The following SHANK1 variants were observed in gnomAD, a reference collection of about 807,000 sequenced individuals.
SHANK1 encodes the protein SH3 and multiple ankyrin repeat domains 1.
Under a neutral mutation model 165.6 loss-of-function variants are expected in SHANK1, and 35 were observed. That is an observed-to-expected ratio of 0.21 (90% CI 0.16 to 0.28). The LOEUF (loss-of-function observed/expected upper bound fraction) is 0.28. Among genes scored for constraint, SHANK1 ranks in the 10% least tolerant of loss-of-function variants. The pLI is 1.00. For synonymous variants in SHANK1, 1,428 were observed against 1,384.8 expected (o/e 1.03, Z -0.69); for missense variants, 2,681 against 3,036.4 (o/e 0.88, Z 2.75).
intron 23 of SHANK1, among the ~76,000 whole-genome samples, chr19:50,663,736 A>T (rs1985361991): frequency 1.4e-5 from 2 of 142,504 alleles, no homozygotes; most frequent in African/African-American, 5.3e-5. Context: ...TGCTGCTACA[A>T]GCAGTGGAAA....
chr19:50,662,598 T>C lies in SHANK1; in HGVS notation c.5853A>G (p.Pro1951=). 1 of 1,561,416 alleles carries C rather than the reference T, an allele frequency of 6.4e-7. No individual in the cohort carries two copies. ...GGGAGACCCCTGTTCCGGTGGGGAGTGGCGGCAGAGGTGGTTTGGGCCAGT... is the reference window on the plus strand; with the variant it reads ...GGGAGACCCCTGTTCCGGTGGGGAGCGGCGGCAGAGGTGGTTTGGGCCAGT... ...FQNWPKPPLP[P]LPTGTGVSPT... is the part of the protein sequence containing the mutation. Residue 1951 remains proline (P), a synonymous_variant, in exon 24 of 24, where the codon CCA becomes CCG. Transcript: ENST00000293441. The surrounding 1 kb of genome is among the most constrained non-coding windows in gnomAD (Gnocchi z 7.7).
intron 8 of SHANK1, among the ~76,000 whole-genome samples, chr19:50,709,080 G>T (rs2088977771): frequency 6.6e-6 from 1 of 152,228 alleles, no homozygotes; most frequent in Admixed American, 6.5e-5. Flanking sequence ...GGTTTGTTAA[G>T]CCCATGGCAA....
chr19:50,662,901 A>G lies in SHANK1; in HGVS notation c.5769-219T>C, dbSNP rs1442287948. On this transcript the variant is annotated intron_variant, in intron 23 of 23. Transcript: ENST00000293441. The surrounding 1 kb of genome is among the most constrained non-coding windows in gnomAD (Gnocchi z 7.7). The stretch of plus-strand genomic sequence containing the variant: ...GGGAGAGAAAGATGAGAGGACAGGG[A>G]GAGGGCGACAGTTAAGAGAGATGAA... Among the ~76,000 whole-genome samples the G allele has an allele frequency of 6.6e-6, 1 of 151,850 alleles. No individual in the cohort carries two copies. The highest frequency in any genetic ancestry group is 1.5e-5 in the Non-Finnish European group (1 of 67,978).
At position 50,661,758 on chromosome 19, in the gene SHANK1, C is replaced by T. The variant is rs1253287816; in HGVS notation, c.*207G>A. The T allele has an allele frequency of 7.0e-6, 4 of 574,678 alleles. No homozygotes were observed. Among genetic ancestry groups the T allele is most frequent in the East Asian group, 2.9e-5 (1 of 34,938 alleles). The allele number at this position is 574,678 out of a possible 1,614,324, so 35.6% of individuals were successfully genotyped here. On this transcript the variant is annotated 3_prime_UTR_variant, in exon 24 of 24. Coordinates refer to ENST00000293441, the MANE Select transcript of SHANK1 (RefSeq NM_016148.5). ...CCCGCTTCACACACACACACACACT[C>T]TTGTGTCAGCTGCCCCCCTTCAGTG...
At chr19:50,715,001 G>C (rs531437639) in intron 4 of SHANK1, among the ~76,000 whole-genome samples, 1 of 152,262 alleles carries the variant, frequency 6.6e-6, no homozygotes, top group African/African-American at 2.4e-5. Context: ...ACATTTAGGG[G>C]AGGAAAGAGT....
At chr19:50,705,380 A>G (rs2088926387) in intron 8 of SHANK1, among the ~76,000 whole-genome samples, 1 of 152,204 alleles carries the variant, frequency 6.6e-6, no homozygotes, top group East Asian at 1.9e-4. Context: ...TCTATGTTGA[A>G]ATGATAATGT....
chr19:50,712,437 T>C (rs112586576), intron 6 of SHANK1, among the ~76,000 whole-genome samples: 306 of 150,688 alleles, frequency 2.0e-3, no homozygotes, highest in African/African-American at 7.0e-3. Context: ...TACCCACCCA[T>C]TCCACTTCCT....
chr19:50,666,292 C>T lies in SHANK1; in HGVS notation c.5668G>A (p.Ala1890Thr), dbSNP rs1281194453. The change falls in exon 23 of 24, where the codon GCT (alanine) becomes ACT (threonine). Residue 1890 changes from alanine (A) to threonine (T), a missense_variant. Physicochemically the swap from Ala to Thr is moderately conservative, Grantham distance 58. Transcript: ENST00000293441. Reference protein sequence around the residue: ...QFGGSSAAGGALPWARGGSGG... With the variant: ...QFGGSSAAGGTLPWARGGSGG... ...CTGCCTCCTCGGGCCCAGGGCAGAGCGCCGCCAGCTGCCGAGGAGCCCCCA... is the reference window on the plus strand; with the variant it reads ...CTGCCTCCTCGGGCCCAGGGCAGAGTGCCGCCAGCTGCCGAGGAGCCCCCA... 16 of 1,611,946 alleles carry T rather than the reference C, an allele frequency of 9.9e-6. No homozygotes were observed. The highest frequency in any genetic ancestry group is 1.3e-5 in the African/African-American group (1 of 74,910).
At chr19:50,687,772 A>G in intron 18 of SHANK1, 110 bp from the exon 19 acceptor site, 1 of 1,359,788 alleles carries the variant, frequency 7.4e-7, no homozygotes, top group Non-Finnish European at 1.0e-6. Context: ...CAGCGTGCGG[A>G]GCCCTCCCTG....
In SHANK1 at chr19:50,690,060, C is replaced by T. The variant is rs948935784; in HGVS notation, c.1965-781G>A. On this transcript the variant is annotated intron_variant, in intron 15 of 23. Transcript: ENST00000293441. The surrounding 1 kb of genome is among the most constrained non-coding windows in gnomAD (Gnocchi z 4.9). ...AGAAGCTGCACATGGCTGGTGGCCACCACATTGGACAGTACAGATATAGAA... is the reference window on the plus strand; with the variant it reads ...AGAAGCTGCACATGGCTGGTGGCCATCACATTGGACAGTACAGATATAGAA... Among the ~76,000 whole-genome samples the T allele has an allele frequency of 5.9e-5, 9 of 152,188 alleles. No individual in the cohort carries two copies. The highest frequency in any genetic ancestry group is 2.2e-4 in the African/African-American group (9 of 41,444).
At chr19:50,681,512 CCT>C (rs1165368119) in intron 21 of SHANK1, among the ~76,000 whole-genome samples, 1 of 151,952 alleles carries the variant, frequency 6.6e-6, no homozygotes, top group East Asian at 1.9e-4. Context: ...GGGTGAGTTC[CCT>C]GAGGGTTAGG....
rs538202094 is a variant in SHANK1, at chr19:50,717,799, G to A, written c.-43-837C>T. Among the ~76,000 whole-genome samples, 4 of 152,180 alleles carry A rather than the reference G, an allele frequency of 2.6e-5. No homozygotes were observed. In the East Asian group the frequency reaches 7.7e-4, roughly 29 times the overall value. On this transcript the variant is annotated intron_variant, in intron 1 of 23. Coordinates refer to ENST00000293441, the MANE Select transcript of SHANK1 (RefSeq NM_016148.5). The surrounding 1 kb of genome is among the most constrained non-coding windows in gnomAD (Gnocchi z 5.5). ...TCTTTTCTAGGACTGCAGGGTGGGT[G>A]GGCTGGCTTGCTGGGTACTAGGGGC...
chr19:50,672,942 G>A (rs1985852144), intron 21 of SHANK1, among the ~76,000 whole-genome samples: 1 of 152,118 alleles, frequency 6.6e-6, no homozygotes, highest in South Asian at 2.1e-4. Flanking sequence ...AGGCACTGCT[G>A]GTGCCCCTGC....
chr19:50,667,755 T>C lies in SHANK1; in HGVS notation c.4205A>G (p.Glu1402Gly). The change falls in exon 23 of 24, where the codon GAG becomes GGG. Residue 1402 changes from glutamate to glycine, a missense_variant. By Grantham distance (98) the Glu-to-Gly change is moderately conservative. Coordinates refer to ENST00000293441, the MANE Select transcript of SHANK1 (RefSeq NM_016148.5). The surrounding 1 kb of genome is among the most constrained non-coding windows in gnomAD (Gnocchi z 5.7). The part of the protein sequence containing the change: ...PHHHSPHAHH[E>G]PVLRLWGASP... ...GGCCCCCCAGAGACGCAGCACTGGC[T>C]CGTGGTGGGCGTGGGGCGAGTGGTG... is the stretch of plus-strand genomic sequence containing the variant. The C allele has an allele frequency of 1.7e-6, 2 of 1,204,422 alleles. No individual in the cohort carries two copies. Among genetic ancestry groups the C allele is most frequent in the South Asian group, 2.3e-5 (1 of 42,556 alleles). The allele number at this position is 1,204,422 out of a possible 1,614,324, so 74.6% of individuals were successfully genotyped here.
chr19:50,669,270 T>C lies in SHANK1; in HGVS notation c.2690A>G (p.Asp897Gly), dbSNP rs1490782333. 1.2e-6 allele frequency: 2 copies of C among 1,609,490 alleles called. No homozygotes were observed. Among genetic ancestry groups the C allele is most frequent in the Admixed American group, 1.7e-5 (1 of 59,612 alleles). ...GGCTGGGGGTGCTAGGTAAGGTCTG[T>C]CATCTTCTGCCGCACCTGGGGAGAT... ...RQKSIGAAED[D>G]RPYLAPPAMK... Residue 897 changes from aspartate (D) to glycine (G), a missense_variant, in exon 23 of 24, where the codon GAC becomes GGC. Asp to Gly is a moderately conservative substitution (Grantham distance 94). Around this residue, in one of 10 missense-constraint regions of SHANK1, gnomAD observed 206 missense variants for 216.0 expected, o/e 0.95. Coordinates refer to ENST00000293441, the MANE Select transcript of SHANK1 (RefSeq NM_016148.5).
In SHANK1 at chr19:50,702,507, G is replaced by A. The variant is rs1054681436; in HGVS notation, c.1707C>T (p.Ala569=). 3.1e-6 allele frequency: 5 copies of A among 1,613,082 alleles called. No homozygotes were observed. The highest frequency in any genetic ancestry group is 3.3e-5 in the Admixed American group (2 of 59,938). The change falls in exon 12 of 24, where the codon GCC becomes GCT. Residue 569 remains alanine, a synonymous_variant. Coordinates refer to ENST00000293441, the MANE Select transcript of SHANK1 (RefSeq NM_016148.5). The surrounding 1 kb of genome is among the most constrained non-coding windows in gnomAD (Gnocchi z 5.3). The stretch of plus-strand genomic sequence containing the variant: ...CCTTGCTCAGGGAGATCTCCCCCTC[G>A]GCTTGGGCCTGGTAGGACTTCACAG... ...FMAVKSYQAQ[A]EGEISLSKGE...
chr19:50,710,809 G>A (rs1054424930), intron 8 of SHANK1, among the ~76,000 whole-genome samples: 4 of 152,218 alleles, frequency 2.6e-5, no homozygotes, highest in Admixed American at 6.5e-5. Flanking sequence ...GTGCCGCCAC[G>A]TGGCACCTGC....
chr19:50,695,829 G>A (rs752978751), intron 15 of SHANK1, among the ~76,000 whole-genome samples: 8 of 151,916 alleles, frequency 5.3e-5, no homozygotes, highest in Non-Finnish European at 8.8e-5. Context: ...GCGGAGGGGC[G>A]AACACACCAC....
Position 50,669,133 on chromosome 19 carries a change from C to T in SHANK1, c.2827G>A (p.Gly943Arg). ...CCCCGAGGGGAGGGGGTGAGGCGCC[C>T]TGAGGAGGAGGGGACTGGAGGTGTG... ...YSTPPVPSSS[G>R]RLTPSPRGGP... The change falls in exon 23 of 24, where the codon GGG becomes AGG. Residue 943 changes from glycine to arginine, a missense_variant. Gly to Arg is a moderately radical substitution (Grantham distance 125, BLOSUM62 -2). Coordinates refer to ENST00000293441, the MANE Select transcript of SHANK1 (RefSeq NM_016148.5). The T allele has an allele frequency of 1.3e-6, 2 of 1,540,874 alleles. No individual in the cohort carries two copies. Among genetic ancestry groups the T allele is most frequent in the Non-Finnish European group, 1.7e-6 (2 of 1,144,992 alleles).
Sources: allele counts gnomAD v4.1 joint callset (sites outside exome capture counted in the v4.1 genomes callset), GRCh38; gene constraint gnomAD v4.1.1; regional missense constraint gnomAD v4.1.1; non-coding constraint Gnocchi (gnomAD v3.1); transcripts MANE v1.5; gene names NCBI Gene and HGNC (gene_info 2026-07-23, HGNC 2026-07-21).